Variants in CLASP2 observed in about 807,000 individuals in gnomAD.
The protein encoded by CLASP2 is CLIP-associating protein 2.
In CLASP2, 47 loss-of-function variants were observed where a neutral mutation model predicts 194.4. That is an observed-to-expected ratio of 0.24 (90% CI 0.19 to 0.31). The LOEUF is 0.31. CLASP2 is among the 10% of genes least tolerant of loss of function. The pLI is 1.00. For synonymous variants in CLASP2, 619 were observed against 633.5 expected (o/e 0.98, Z 0.34); for missense variants, 1,445 against 1,823.6 (o/e 0.79, Z 3.78).
chr3:33,613,487 T>C (rs977850279), intron 12 of CLASP2, among the ~76,000 whole-genome samples: 4 of 152,236 alleles, frequency 2.6e-5, no homozygotes, highest in Non-Finnish European at 5.9e-5. Context: ...TCTCCTAGCA[T>C]TGGGGAAACA....
At chr3:33,698,841 C>A (rs763195471) in intron 1 of CLASP2, among the ~76,000 whole-genome samples, 132 of 152,094 alleles carry the variant, frequency 8.7e-4, no homozygotes, top group Middle Eastern at 3.4e-3. Context: ...TTATGAGACA[C>A]ACAAAAAAGC....
At chr3:33,659,841 A>G (rs1484562370) in intron 7 of CLASP2, among the ~76,000 whole-genome samples, 1 of 152,260 alleles carries the variant, frequency 6.6e-6, no homozygotes, top group Non-Finnish European at 1.5e-5. Flanking sequence ...TCAACCAAAG[A>G]AAAGAGCTGC....
At chr3:33,624,924 T>C (rs578021766) in intron 10 of CLASP2, among the ~76,000 whole-genome samples, 12 of 152,108 alleles carry the variant, frequency 7.9e-5, no homozygotes, top group African/African-American at 2.6e-4. Flanking sequence ...TTTTTTAAAA[T>C]TGAAAAGAAA....
intron 8 of CLASP2, among the ~76,000 whole-genome samples, chr3:33,633,767 A>G (rs560551043): frequency 6.6e-6 from 1 of 152,330 alleles, no homozygotes; most frequent in East Asian, 1.9e-4. Flanking sequence ...AAATTTTTTA[A>G]ATAATTAAAC....
At chr3:33,574,069 A>G (rs185762531) in intron 24 of CLASP2, among the ~76,000 whole-genome samples, 1 of 152,162 alleles carries the variant, frequency 6.6e-6, no homozygotes, top group Non-Finnish European at 1.5e-5. Flanking sequence ...TTTGTTTAAT[A>G]TATGTAAATG....
intron 21 of CLASP2, chr3:33,592,075 T>C (rs1380812307): frequency 1.1e-5 from 7 of 622,882 alleles, no homozygotes; most frequent in East Asian, 8.2e-5. Flanking sequence ...CAAAAGTTTG[T>C]ATGGCAAATG....
chr3:33,553,226 C>T (rs2060342294), intron 29 of CLASP2, among the ~76,000 whole-genome samples: 1 of 152,070 alleles, frequency 6.6e-6, no homozygotes, highest in African/African-American at 2.4e-5. Context: ...GACACTTGTA[C>T]ATTTTTCCCT....
intron 6 of CLASP2, among the ~76,000 whole-genome samples, chr3:33,681,846 A>T (rs2089906586): frequency 6.6e-6 from 1 of 152,158 alleles, no homozygotes. Flanking sequence ...ATGGGTGTGG[A>T]TCCTTCATGA....
intron 21 of CLASP2, among the ~76,000 whole-genome samples, chr3:33,589,165 C>A (rs1195858303): frequency 6.6e-6 from 1 of 151,918 alleles, no homozygotes; most frequent in African/African-American, 2.4e-5. Context: ...TCTTAAGATG[C>A]ACCAAGAAAA....
intron 1 of CLASP2, among the ~76,000 whole-genome samples, chr3:33,706,812 A>T (rs1404960619): frequency 6.6e-6 from 1 of 151,912 alleles, no homozygotes; most frequent in Non-Finnish European, 1.5e-5. Flanking sequence ...AAAAAATTTT[A>T]AAGTTAGTTG....
intron 37 of CLASP2, chr3:33,502,631 A>T (rs1228192878): frequency 6.6e-6 from 1 of 152,188 alleles, no homozygotes; most frequent in East Asian, 1.9e-4. Context: ...ACTCTATTTC[A>T]ATACTCTACA....
At chr3:33,681,124 CAA>C (rs10710771) in intron 6 of CLASP2, among the ~76,000 whole-genome samples, 47 of 96,060 alleles carry the variant, frequency 4.9e-4, no homozygotes, top group East Asian at 1.4e-3. Flanking sequence ...GACTCCATCT[CAA>C]AAAAAAAAAA....
rs1261844232 is a variant in CLASP2 at position 33,523,006 on chromosome 3, GC to G, written c.3788-5833del. 3.3e-5 allele frequency among the ~76,000 whole-genome samples: 5 copies of G among 152,294 alleles called. No individual in the cohort carries two copies. The East Asian group carries it at 5.8e-4, about 18-fold the overall frequency. Reference sequence around the variant, plus strand: ...CAGGAGAATGGCACGAACCCAGGAGGCGGAGCTTGCAGTAAGCTGAGATCGC... The same window carrying G: ...CAGGAGAATGGCACGAACCCAGGAGGGGAGCTTGCAGTAAGCTGAGATCGC... On this transcript the variant is annotated intron_variant, in intron 34 of 38. Coordinates refer to ENST00000682230, the MANE Select transcript of CLASP2 (RefSeq NM_001365631.1).
chr3:33,497,652 C>T lies in CLASP2; in HGVS notation c.*979G>A, dbSNP rs997180935. 2.0e-5 allele frequency: 3 copies of T among 152,520 alleles called. No homozygotes were observed. Among genetic ancestry groups the T allele is most frequent in the Non-Finnish European group, 2.9e-5 (2 of 68,018 alleles). 9.4% of individuals were successfully genotyped at this position (152,520 alleles called of 1,614,324 possible). A position where few individuals can be genotyped will look rare whatever the true frequency, so the allele number is the denominator to read the frequency against. On this transcript the variant is annotated 3_prime_UTR_variant, in exon 39 of 39. Transcript: ENST00000682230. ...AGACAATTTCATGGTAAAAGGAAAC[C>T]AGGTTCCACCATTTAAAGAAAAGGT...
chr3:33,620,558 T>A (rs1011593850), intron 11 of CLASP2, among the ~76,000 whole-genome samples: 1 of 152,196 alleles, frequency 6.6e-6, no homozygotes, highest in Admixed American at 6.5e-5. Context: ...AGTTTTCCAA[T>A]GTCTGAACTC....
At chr3:33,645,574 A>G in intron 7 of CLASP2, 1 of 427,724 alleles carries the variant, frequency 2.3e-6, no homozygotes, top group Non-Finnish European at 4.1e-6. Flanking sequence ...TGCATCTAAA[A>G]AATTCTCTAT....
At chr3:33,527,824 G>A (rs372875793) in intron 34 of CLASP2, among the ~76,000 whole-genome samples, 1 of 152,032 alleles carries the variant, frequency 6.6e-6, no homozygotes, top group Non-Finnish European at 1.5e-5. Flanking sequence ...TTAGCCAGAC[G>A]TGGTGGCATG....
At chr3:33,628,029 T>G (rs193198753) in intron 9 of CLASP2, among the ~76,000 whole-genome samples, 7 of 152,232 alleles carry the variant, frequency 4.6e-5, no homozygotes, top group Non-Finnish European at 1.0e-4. Flanking sequence ...AAGGAGACAA[T>G]GCAGAGGAAT....
At chr3:33,643,614 T>C (rs2081741360) in intron 8 of CLASP2, among the ~76,000 whole-genome samples, 1 of 151,952 alleles carries the variant, frequency 6.6e-6, no homozygotes, top group Non-Finnish European at 1.5e-5. Flanking sequence ...TGTGCATCTA[T>C]ATATATATTT....
Sources: allele counts gnomAD v4.1 joint callset (sites outside exome capture counted in the v4.1 genomes callset), GRCh38; gene constraint gnomAD v4.1.1; transcripts MANE v1.5; gene names NCBI Gene and HGNC (gene_info 2026-07-23, HGNC 2026-07-21).